The following DCAF12 variants were observed in gnomAD, a reference collection of about 807,000 sequenced individuals.
DCAF12 encodes the protein DDB1 and CUL4 associated factor 12.
A neutral mutation model predicts 52.8 loss-of-function variants in DCAF12; 28 were observed. The ratio of observed to expected loss-of-function variants is 0.53; its 90% CI spans 0.39 to 0.73. The LOEUF is 0.73. DCAF12 is among the 30% of genes least tolerant of loss of function. The pLI is 0.00. For synonymous variants in DCAF12, 196 were observed against 215.5 expected (o/e 0.91, Z 0.79); for missense variants, 425 against 552.2 (o/e 0.77, Z 2.31).
intron 4 of DCAF12, among the ~76,000 whole-genome samples, chr9:34,100,512 T>TA (rs1266568245): frequency 1.3e-5 from 2 of 149,762 alleles, no homozygotes; most frequent in African/African-American, 2.5e-5. Flanking sequence ...TTTTTTTTTT[T>TA]AATACAAGGC....
chr9:34,117,900 G>A (rs990162606), intron 2 of DCAF12, among the ~76,000 whole-genome samples: 5 of 152,082 alleles, frequency 3.3e-5, no homozygotes, highest in Non-Finnish European at 7.4e-5. Flanking sequence ...GGCAACAAGA[G>A]CGAAACTCTG....
At position 34,126,336 on chromosome 9, in the gene DCAF12, C is replaced by G; in HGVS notation, c.78+18G>C. 2 of 1,611,920 alleles carry G rather than the reference C, an allele frequency of 1.2e-6. No individual in the cohort carries two copies. The highest frequency in any genetic ancestry group is 1.7e-6 in the Non-Finnish European group (2 of 1,179,556). On this transcript the variant is annotated intron_variant, in intron 1 of 8. Coordinates refer to ENST00000361264, the MANE Select transcript of DCAF12 (RefSeq NM_015397.4). The stretch of plus-strand genomic sequence containing the variant: ...TTCCTCAGCCTCACCACCCAGGTGC[C>G]GGCCTCTCAACCCTCACCTGCGGGC...
intron 2 of DCAF12, 100 bp from the exon 3 acceptor site, chr9:34,107,665 A>G (rs1828926629): frequency 9.5e-6 from 9 of 952,194 alleles, no homozygotes; most frequent in Middle Eastern, 2.8e-4. Flanking sequence ...CATTTAATTA[A>G]CAACTACTAC....
At chr9:34,089,348 G>A (rs1480467590) in intron 8 of DCAF12, 64 bp downstream of exon 8, 1 of 1,494,756 alleles carries the variant, frequency 6.7e-7, no homozygotes, top group Non-Finnish European at 9.0e-7. Flanking sequence ...TGGGGGCTGA[G>A]AGATAGAGGA....
chr9:34,116,785 A>G (rs1829094283), intron 2 of DCAF12, among the ~76,000 whole-genome samples: 1 of 152,186 alleles, frequency 6.6e-6, no homozygotes, highest in Admixed American at 6.6e-5. Context: ...GTTTGAGACC[A>G]TCCTGGCCAA....
chr9:34,096,894 C>T (rs1009942882), intron 5 of DCAF12, 113 bp from the exon 6 acceptor site: 4 of 883,166 alleles, frequency 4.5e-6, no homozygotes, highest in Non-Finnish European at 7.1e-6. Context: ...CGTGATGATT[C>T]CAGCAGAGGT....
chr9:34,112,638 C>A (rs994951660), intron 2 of DCAF12, among the ~76,000 whole-genome samples: 5 of 151,950 alleles, frequency 3.3e-5, no homozygotes, highest in African/African-American at 1.2e-4. Context: ...GTGGCTCACA[C>A]CTGTAATCCC....
At chr9:34,102,761 G>T (rs766350341) in intron 4 of DCAF12, among the ~76,000 whole-genome samples, 2 of 151,842 alleles carry the variant, frequency 1.3e-5, no homozygotes, top group Non-Finnish European at 2.9e-5. Flanking sequence ...GAGGACAACT[G>T]AGCAACCTGC....
Position 34,088,275 on chromosome 9 carries a change from G to GAA in DCAF12, c.*73_*74dup. The GAA allele has an allele frequency of 2.2e-6, 3 of 1,382,926 alleles. No homozygotes were observed. Among genetic ancestry groups the GAA allele is most frequent in the Non-Finnish European group, 1.9e-6 (2 of 1,039,024 alleles). The allele number at this position is 1,382,926 out of a possible 1,614,324, so 85.7% of individuals were successfully genotyped here. On this transcript the variant is annotated 3_prime_UTR_variant, in exon 9 of 9. Transcript: ENST00000361264. ...AAACACAAGAGCCTCACACAATTAG[G>GAA]AAAAAAAAAATCAAAAGAAACAAGG...
intron 2 of DCAF12, among the ~76,000 whole-genome samples, chr9:34,121,070 C>G (rs2131443860): frequency 6.6e-6 from 1 of 152,002 alleles, no homozygotes; most frequent in Admixed American, 6.5e-5. Flanking sequence ...GAGAGAATCA[C>G]TTGAACCTGG....
chr9:34,093,995 T>C (rs1828693661), intron 6 of DCAF12, among the ~76,000 whole-genome samples: 1 of 152,102 alleles, frequency 6.6e-6, no homozygotes, highest in African/African-American at 2.4e-5. Context: ...CCTCAGTGGG[T>C]GCATACAACA....
At chr9:34,093,101 G>A (rs138064420) in intron 7 of DCAF12, among the ~76,000 whole-genome samples, 185 bp downstream of exon 7, 32,621 of 152,112 alleles carry the variant, frequency 0.21, 3,621 homozygotes, top group Middle Eastern at 0.28. Context: ...CACCCGCCTC[G>A]GCCTCCCAAA....
intron 2 of DCAF12, among the ~76,000 whole-genome samples, chr9:34,123,971 A>C (rs1355745017): frequency 6.6e-6 from 1 of 152,182 alleles, no homozygotes; most frequent in Non-Finnish European, 1.5e-5. Context: ...GGCCCCAACC[A>C]CCATGGTATT....
Position 34,087,318 on chromosome 9 carries a change from T to C in DCAF12, c.*1032A>G, listed in dbSNP as rs190845824. 2 of 152,226 alleles carry C rather than the reference T, an allele frequency of 1.3e-5. No homozygotes were observed. The highest frequency in any genetic ancestry group is 1.9e-4 in the East Asian group (1 of 5,176). 9.4% of individuals were successfully genotyped at this position (152,226 alleles called of 1,614,324 possible). The stretch of plus-strand genomic sequence containing the variant: ...TTTAGAAAATAATAGCAAAACCCAC[T>C]GGGGAGATTGGAAGAATGGCAGAGA... On this transcript the variant is annotated 3_prime_UTR_variant, in exon 9 of 9. Transcript: ENST00000361264.
intron 2 of DCAF12, among the ~76,000 whole-genome samples, chr9:34,111,263 T>C (rs12551419): frequency 0.71 from 107,472 of 151,974 alleles, 38,678 homozygotes; most frequent in Non-Finnish European, 0.77. Context: ...GCATTACAGG[T>C]GTGAGCCACC....
Position 34,110,807 on chromosome 9 carries a change from A to AAAACC in DCAF12, c.334-3247_334-3243dup, listed in dbSNP as rs1554701132. The stretch of plus-strand genomic sequence containing the variant: ...TCAACAAAACAAAACAAAACAAAAC[A>AAAACC]AAACCAAGAGTCTCCTCAGTCCAGC... On this transcript the variant is annotated intron_variant, in intron 2 of 8. Transcript: ENST00000361264. Among the ~76,000 whole-genome samples the AAAACC allele has an allele frequency of 1.2e-3, 189 of 152,040 alleles. 1 individual carries two copies. The highest frequency in any genetic ancestry group is 4.4e-3 in the African/African-American group (182 of 41,468).
intron 4 of DCAF12, 38 bp from the exon 5 acceptor site, chr9:34,098,555 A>G (rs1190020466): frequency 1.3e-6 from 2 of 1,584,958 alleles, no homozygotes; most frequent in Middle Eastern, 2.2e-4. Flanking sequence ...AGATGTACCC[A>G]CCCCTCTATG....
intron 2 of DCAF12, among the ~76,000 whole-genome samples, chr9:34,115,064 G>C (rs1829063372): frequency 6.6e-6 from 1 of 152,102 alleles, no homozygotes; most frequent in African/African-American, 2.4e-5. Context: ...CAATGAGAAA[G>C]GAAAGTAATT....
intron 4 of DCAF12, 91 bp downstream of exon 4, chr9:34,106,343 G>C: frequency 1.8e-6 from 2 of 1,121,492 alleles, no homozygotes; most frequent in South Asian, 2.8e-5. Context: ...GAGCCCGGCT[G>C]GGCTGTTTCC....
Sources: allele counts gnomAD v4.1 joint callset (sites outside exome capture counted in the v4.1 genomes callset), GRCh38; gene constraint gnomAD v4.1.1; transcripts MANE v1.5; gene names NCBI Gene and HGNC (gene_info 2026-07-23, HGNC 2026-07-21).